MYO1F: variants seen among roughly 807,000 people sequenced by gnomAD.
MYO1F encodes unconventional myosin-If.
A neutral mutation model predicts 146.6 loss-of-function variants in MYO1F; 60 were observed. The observed-to-expected ratio is 0.41, with a 90% CI of 0.33 to 0.51. The LOEUF is 0.51. Ranked by LOEUF, MYO1F falls within the 20% of genes least tolerant of loss-of-function variation. MYO1F has a pLI of 0.25. For synonymous variants in MYO1F, 602 were observed against 602.1 expected, an observed-to-expected ratio of 1.00 and a Z score of 0.00; for missense variants, 1,274 against 1,534.3, an observed-to-expected ratio of 0.83 and a Z score of 2.83.
rs776984727 is a variant in MYO1F, at chr19:8,526,532, G to T, written c.2691C>A (p.Gly897=). The T allele has an allele frequency of 4.4e-6, 7 of 1,591,002 alleles. No individual in the cohort carries two copies. Among genetic ancestry groups the T allele is most frequent in the Non-Finnish European group, 8.5e-7 (1 of 1,170,842 alleles). ...GGTRSVTFSR[G]FGDLAVLKVG... Reference sequence around the variant, plus strand: ...CCTTGAGCACTGCCAAGTCGCCGAAGCCGCGGGAGAAGGTGACGCTGCGGG... The same window carrying T: ...CCTTGAGCACTGCCAAGTCGCCGAATCCGCGGGAGAAGGTGACGCTGCGGG... The change falls in exon 24 of 28, where the codon GGC becomes GGA. Residue 897 remains glycine (G), a synonymous_variant. Transcript: ENST00000644032.
intron 1 of MYO1F, among the ~76,000 whole-genome samples, chr19:8,556,384 G>A (rs573976867): frequency 2.1e-4 from 31 of 147,540 alleles, no homozygotes; most frequent in African/African-American, 6.9e-4. Context: ...GCTCATGCCC[G>A]TAATCCCAGC....
chr19:8,573,939 C>G (rs1555732586), intron 1 of MYO1F, among the ~76,000 whole-genome samples: 2 of 152,168 alleles, frequency 1.3e-5, no homozygotes, highest in African/African-American at 4.8e-5. Flanking sequence ...CAGCAGTCAC[C>G]AGTCCTATCC....
chr19:8,533,346 T>C lies in MYO1F; in HGVS notation c.2044-2773A>G, dbSNP rs1972570881. ...GCCCAGCCTCAGATTCTTCTTCTTC[T>C]TCTTCTTCTTCTTTTTTTTTTTTTT... On this transcript the variant is annotated intron_variant, in intron 19 of 27. Coordinates refer to ENST00000644032, the MANE Select transcript of MYO1F (RefSeq NM_012335.4). 4.5e-5 allele frequency among the ~76,000 whole-genome samples: 6 copies of C among 133,808 alleles called. No homozygotes were observed. The South Asian group carries it at 1.4e-3, about 32-fold the overall frequency. 87.8% of individuals were successfully genotyped at this position (133,808 alleles called of 152,430 possible).
At chr19:8,536,832 G>A in intron 17 of MYO1F, 117 bp downstream of exon 17, 1 of 725,512 alleles carries the variant, frequency 1.4e-6, no homozygotes, top group Non-Finnish European at 2.4e-6. Flanking sequence ...GATTGTGGGA[G>A]GGGCTGTGCT....
Position 8,527,403 on chromosome 19 carries a change from C to T in MYO1F, c.2409G>A (p.Lys803=). The change falls in exon 22 of 28, where the codon AAG becomes AAA. Residue 803 remains lysine, a synonymous_variant. Coordinates refer to ENST00000644032, the MANE Select transcript of MYO1F (RefSeq NM_012335.4). Reference sequence around the variant, plus strand: ...TCTTCAAGACTTCACACACCTGGCCCTTCTCAGGTCCCTTCTTCACTTTCT... The same window carrying T: ...TCTTCAAGACTTCACACACCTGGCCTTTCTCAGGTCCCTTCTTCACTTTCT... The part of the protein sequence containing the change: ...GREKVKKGPE[K]GQVCEVLKKK... 3.1e-6 allele frequency: 5 copies of T among 1,614,076 alleles called. No homozygotes were observed. Among genetic ancestry groups the T allele is most frequent in the Non-Finnish European group, 4.2e-6 (5 of 1,179,974 alleles).
At chr19:8,575,975 G>C (rs929883330) in intron 1 of MYO1F, among the ~76,000 whole-genome samples, 4 of 152,182 alleles carry the variant, frequency 2.6e-5, no homozygotes, top group African/African-American at 9.6e-5. Flanking sequence ...GTTTGGGTGT[G>C]AATTCCGGGA....
chr19:8,564,862 T>C (rs1296456552), intron 1 of MYO1F, among the ~76,000 whole-genome samples: 1 of 151,628 alleles, frequency 6.6e-6, no homozygotes, highest in African/African-American at 2.4e-5. Flanking sequence ...AACCTCCGCC[T>C]CCCGGGTTCA....
At chr19:8,536,448 TG>T (rs768467493) in intron 18 of MYO1F, 50 bp downstream of exon 18, 1 of 1,604,974 alleles carries the variant, frequency 6.2e-7, no homozygotes, top group South Asian at 1.1e-5. Context: ...CAGGCCTGGC[TG>T]GGCGTTCTGA....
Position 8,536,260 on chromosome 19 carries a change from G to C in MYO1F, c.2035C>G (p.Pro679Ala). Reference protein sequence around the residue: ...MGSTKVFVKNPESLFLLEEVR... With the variant: ...MGSTKVFVKNAESLFLLEEVR... ...CCCTCAAACACACTCACCGACTCTG[G>C]GTTCTTGACAAAGACCTTGGTGCTC... Residue 679 changes from proline to alanine, a missense_variant, in exon 19 of 28, where the codon CCA becomes GCA. Coordinates refer to ENST00000644032, the MANE Select transcript of MYO1F (RefSeq NM_012335.4). 3 of 1,605,292 alleles carry C rather than the reference G, an allele frequency of 1.9e-6. No individual in the cohort carries two copies. Among genetic ancestry groups the C allele is most frequent in the Non-Finnish European group, 2.5e-6 (3 of 1,179,924 alleles).
rs756138370 is a variant in MYO1F at position 8,522,399 on chromosome 19, C to T, written c.3198G>A (p.Glu1066=). The stretch of plus-strand genomic sequence containing the variant: ...CACCTTCCATGAGGATCTCAATGAC[C>T]TCGTTCACGTTGAAGCTCAGCTCGT... ...DVDELSFNVN[E]VIEILMEDPS... Residue 1066 remains glutamate (E), a synonymous_variant, in exon 27 of 28, where the codon GAG becomes GAA. Coordinates refer to ENST00000644032, the MANE Select transcript of MYO1F (RefSeq NM_012335.4). The T allele has an allele frequency of 2.5e-6, 4 of 1,614,168 alleles. No homozygotes were observed. In the Admixed American group the frequency reaches 6.7e-5, roughly 27 times the overall value.
At chr19:8,564,864 C>T (rs1481797787) in intron 1 of MYO1F, among the ~76,000 whole-genome samples, 1 of 151,974 alleles carries the variant, frequency 6.6e-6, no homozygotes, top group Non-Finnish European at 1.5e-5. Flanking sequence ...CCTCCGCCTC[C>T]CGGGTTCAAG....
chr19:8,553,868 T>TCACACACACACACACACACACACACACA (rs374157870), intron 4 of MYO1F, among the ~76,000 whole-genome samples: 10 of 121,508 alleles, frequency 8.2e-5, no homozygotes, highest in Admixed American at 1.7e-4. Context: ...TGAGACTCTG[T>TCACACACACACACACACACACACACACA]CACACACACA....
Position 8,577,304 on chromosome 19 carries a change from T to TA in MYO1F, c.3+2dup. The stretch of plus-strand genomic sequence containing the variant: ...TTCCAGATCCCACCCTTGAAGGACT[T>TA]ACCATGGTGGGGGGCTGGTGTCTGG... On this transcript the variant is annotated splice_region_variant and intron_variant, in intron 1 of 27. Coordinates refer to ENST00000644032, the MANE Select transcript of MYO1F (RefSeq NM_012335.4). This position sits in a 1 kb window ranked among gnomAD's most constrained non-coding sequence, Gnocchi z 4.3. 1.2e-6 allele frequency: 2 copies of TA among 1,613,832 alleles called. No individual in the cohort carries two copies. The highest frequency in any genetic ancestry group is 1.7e-6 in the Non-Finnish European group (2 of 1,179,848).
intron 9 of MYO1F, 81 bp from the exon 10 acceptor site, chr19:8,550,437 A>C: frequency 6.3e-7 from 1 of 1,590,014 alleles, no homozygotes; most frequent in Non-Finnish European, 8.6e-7. Flanking sequence ...TATTATCCCC[A>C]TCTTGCCCAG....
chr19:8,574,666 T>A (rs2042198326), intron 1 of MYO1F, among the ~76,000 whole-genome samples: 1 of 138,184 alleles, frequency 7.2e-6, no homozygotes, highest in African/African-American at 2.6e-5. Context: ...CTTTCTTCTT[T>A]CTCTCTTTCT....
chr19:8,568,797 T>C (rs1020267368), intron 1 of MYO1F, among the ~76,000 whole-genome samples: 2 of 151,996 alleles, frequency 1.3e-5, no homozygotes, highest in Non-Finnish European at 1.5e-5. Flanking sequence ...GGCGGGTGTC[T>C]GTAGTCTTAG....
At chr19:8,553,543 G>C (rs1973704092) in intron 4 of MYO1F, 106 bp from the exon 5 acceptor site, 3 of 891,506 alleles carry the variant, frequency 3.4e-6, no homozygotes, top group Non-Finnish European at 3.7e-6. Context: ...CAGTATTCCG[G>C]GTACTGGGGA....
rs780912457 is a variant in MYO1F, at chr19:8,521,642, G to A, written c.3221-38C>T. 1.7e-5 allele frequency: 27 copies of A among 1,593,146 alleles called. No individual in the cohort carries two copies. The South Asian group carries it at 2.5e-4, about 15-fold the overall frequency. On this transcript the variant is annotated intron_variant, in intron 27 of 27. Coordinates refer to ENST00000644032, the MANE Select transcript of MYO1F (RefSeq NM_012335.4). ...GGAAAGCTTGAGGTGCCCCTAGCTGGCCCTGGAGAAAGCTCTCATGCCTGG... is the reference window on the plus strand; with the variant it reads ...GGAAAGCTTGAGGTGCCCCTAGCTGACCCTGGAGAAAGCTCTCATGCCTGG...
intron 1 of MYO1F, among the ~76,000 whole-genome samples, chr19:8,572,288 GAC>G (rs1296922329): frequency 6.6e-6 from 1 of 151,482 alleles, no homozygotes; most frequent in Non-Finnish European, 1.5e-5. Context: ...TCCCCTCTGA[GAC>G]AGAGTCTCGC....
Sources: allele counts gnomAD v4.1 joint callset (sites outside exome capture counted in the v4.1 genomes callset), GRCh38; gene constraint gnomAD v4.1.1; non-coding constraint Gnocchi (gnomAD v3.1); transcripts MANE v1.5; gene names NCBI Gene and HGNC (gene_info 2026-07-23, HGNC 2026-07-21).